The following FHIT variants were observed in gnomAD, a reference collection of about 807,000 sequenced individuals.
The protein encoded by FHIT is fragile histidine triad diadenosine triphosphatase, also known as bis(5'-adenosyl)-triphosphatase.
FHIT carries 19 observed loss-of-function variants against 17.9 expected under a neutral mutation model. The ratio of observed to expected loss-of-function variants is 1.06; its 90% CI spans 0.74 to 1.56. The LOEUF is 1.56. Among genes scored for constraint, FHIT ranks in the 40% most tolerant of loss-of-function variants. The pLI is 0.00. For synonymous variants in FHIT, 81 were observed against 69.7 expected, an observed-to-expected ratio of 1.16 and a Z score of -0.81; for missense variants, 248 against 189.2, an observed-to-expected ratio of 1.31 and a Z score of -1.82.
At position 60,811,675 on chromosome 3, in the gene FHIT, TG is replaced by T. The variant is rs1701575023; in HGVS notation, c.-18+10243del. Among the ~76,000 whole-genome samples the T allele has an allele frequency of 3.3e-5, 5 of 152,154 alleles. No individual in the cohort carries two copies. In the South Asian group the frequency reaches 1.0e-3, roughly 32 times the overall value. Reference sequence around the variant, plus strand: ...AGGCTAGGACACCTCACATATAACATGGAAATGACATAGAAAACCCCAGAAG... The same window carrying T: ...AGGCTAGGACACCTCACATATAACATGAAATGACATAGAAAACCCCAGAAG... On this transcript the variant is annotated intron_variant, in intron 4 of 9. Coordinates refer to ENST00000492590, the MANE Select transcript of FHIT (RefSeq NM_002012.4).
At chr3:59,973,036 C>G (rs1182824101) in intron 7 of FHIT, among the ~76,000 whole-genome samples, 2 of 152,098 alleles carry the variant, frequency 1.3e-5, no homozygotes, top group African/African-American at 4.8e-5. Context: ...CTCAGCTAGA[C>G]AGGGTGTGTC....
chr3:60,943,595 T>A (rs965505229), intron 3 of FHIT, among the ~76,000 whole-genome samples: 16 of 152,174 alleles, frequency 1.1e-4, no homozygotes, highest in Admixed American at 1.0e-3. Flanking sequence ...ATAGGTTTAA[T>A]CATTTGTATA....
At chr3:60,442,135 C>G (rs968368697) in intron 5 of FHIT, among the ~76,000 whole-genome samples, 2 of 151,872 alleles carry the variant, frequency 1.3e-5, no homozygotes, top group African/African-American at 4.8e-5. Flanking sequence ...ACTGGGATTG[C>G]AGGCATAAGC....
intron 3 of FHIT, among the ~76,000 whole-genome samples, chr3:60,872,916 A>G (rs75353334): frequency 6.6e-6 from 1 of 152,096 alleles, no homozygotes; most frequent in Non-Finnish European, 1.5e-5. Context: ...ATAGACAAAG[A>G]TGCTTAAATT....
chr3:60,900,736 T>C (rs1553762975), intron 3 of FHIT, among the ~76,000 whole-genome samples: 1 of 152,146 alleles, frequency 6.6e-6, no homozygotes, highest in East Asian at 1.9e-4. Flanking sequence ...AAAATCAGAA[T>C]TCATTATAAT....
At chr3:60,264,006 G>A (rs1335902845) in intron 5 of FHIT, among the ~76,000 whole-genome samples, 9 of 151,670 alleles carry the variant, frequency 5.9e-5, no homozygotes, top group Middle Eastern at 3.4e-3. Flanking sequence ...TATTTGATCT[G>A]TTCAAATTAA....
intron 4 of FHIT, among the ~76,000 whole-genome samples, chr3:60,704,738 T>A (rs1308038892): frequency 6.6e-6 from 1 of 152,156 alleles, no homozygotes; most frequent in Non-Finnish European, 1.5e-5. Context: ...TCTGTCAGGG[T>A]CATACCTTCC....
chr3:60,415,806 T>C (rs1702225700), intron 5 of FHIT, among the ~76,000 whole-genome samples: 1 of 150,176 alleles, frequency 6.7e-6, no homozygotes, highest in African/African-American at 2.4e-5. Context: ...TCTCTGAGCC[T>C]CACTTTCCTC....
intron 5 of FHIT, among the ~76,000 whole-genome samples, chr3:60,247,715 T>C (rs560029644): frequency 3.0e-4 from 46 of 152,238 alleles, no homozygotes; most frequent in African/African-American, 1.1e-3. Flanking sequence ...GTGCCACAGC[T>C]TGCCACTTGC....
At chr3:60,927,080 G>A (rs904253690) in intron 3 of FHIT, among the ~76,000 whole-genome samples, 2 of 152,076 alleles carry the variant, frequency 1.3e-5, no homozygotes, top group African/African-American at 2.4e-5. Context: ...CCACGATCTC[G>A]GCTCACTGCA....
intron 5 of FHIT, among the ~76,000 whole-genome samples, chr3:60,039,813 C>T (rs1701363779): frequency 6.6e-6 from 1 of 152,272 alleles, no homozygotes; most frequent in Admixed American, 6.5e-5. Context: ...AACATTAATG[C>T]TGTCATTTCT....
At chr3:60,974,303 T>A (rs1280849575) in intron 3 of FHIT, among the ~76,000 whole-genome samples, 1 of 152,190 alleles carries the variant, frequency 6.6e-6, no homozygotes, top group Non-Finnish European at 1.5e-5. Context: ...AATATAAATA[T>A]AAGAATGTGA....
At chr3:60,559,651 T>A (rs2107640647) in intron 4 of FHIT, among the ~76,000 whole-genome samples, 1 of 152,286 alleles carries the variant, frequency 6.6e-6, no homozygotes, top group South Asian at 2.1e-4. Context: ...CGCTTGCTAA[T>A]ATCCATTTCA....
At chr3:60,934,907 A>G (rs1365563750) in intron 3 of FHIT, among the ~76,000 whole-genome samples, 1 of 152,202 alleles carries the variant, frequency 6.6e-6, no homozygotes, top group Non-Finnish European at 1.5e-5. Flanking sequence ...AAACATGTTC[A>G]TAACACTGCA....
chr3:60,519,132 A>G (rs985899425), intron 5 of FHIT, among the ~76,000 whole-genome samples: 6 of 152,242 alleles, frequency 3.9e-5, no homozygotes, highest in Non-Finnish European at 8.8e-5. Flanking sequence ...AAAAGTAGAA[A>G]GGAATAAACT....
chr3:61,184,763 T>C (rs946769134), intron 2 of FHIT, among the ~76,000 whole-genome samples: 2 of 152,092 alleles, frequency 1.3e-5, no homozygotes, highest in African/African-American at 4.8e-5. Flanking sequence ...TGTAGAGTCA[T>C]GAGAGAAGGT....
At chr3:59,774,891 T>C (rs1173812875) in intron 8 of FHIT, among the ~76,000 whole-genome samples, 1 of 152,166 alleles carries the variant, frequency 6.6e-6, no homozygotes, top group Non-Finnish European at 1.5e-5. Flanking sequence ...TCTTAACTTC[T>C]CTTGATACAC....
At chr3:60,586,499 C>T (rs913058888) in intron 4 of FHIT, among the ~76,000 whole-genome samples, 1 of 151,910 alleles carries the variant, frequency 6.6e-6, no homozygotes, top group Non-Finnish European at 1.5e-5. Context: ...GGATATAAAC[C>T]CAGAGAAATA....
At chr3:60,206,905 A>G (rs1460297571) in intron 5 of FHIT, among the ~76,000 whole-genome samples, 3 of 152,162 alleles carry the variant, frequency 2.0e-5, no homozygotes, top group African/African-American at 7.2e-5. Context: ...AATTTCACAT[A>G]TATTTGCATT....
Sources: gnomAD v4.1 joint callset for allele counts (sites outside exome capture counted in the v4.1 genomes callset) on GRCh38, gnomAD v4.1.1 for gene constraint, MANE v1.5 for transcripts, NCBI Gene and HGNC (gene_info 2026-07-23, HGNC 2026-07-21) for gene names.